Variants in NCOA1 observed in about 807,000 individuals in gnomAD.
NCOA1 encodes nuclear receptor coactivator 1.
Under a neutral mutation model 150.9 loss-of-function variants are expected in NCOA1, and 35 were observed. The ratio of observed to expected loss-of-function variants is 0.23; its 90% CI spans 0.18 to 0.31. The LOEUF (loss-of-function observed/expected upper bound fraction) is 0.31, where lower values mean the gene tolerates loss of function less well. NCOA1 is among the 10% of genes least tolerant of loss of function. NCOA1 has a pLI of 1.00. For missense variants in NCOA1, 1,491 were observed against 1,749.3 expected, an observed-to-expected ratio of 0.85 and a Z score of 2.63; for synonymous variants, 590 against 630.0, an observed-to-expected ratio of 0.94 and a Z score of 0.95.
chr2:24,617,343 C>T (rs1242016107), intron 3 of NCOA1, among the ~76,000 whole-genome samples: 1 of 152,100 alleles, frequency 6.6e-6, no homozygotes, highest in Non-Finnish European at 1.5e-5. Flanking sequence ...ACGTTATGAT[C>T]TCTCCACCTC....
intron 1 of NCOA1, among the ~76,000 whole-genome samples, chr2:24,528,015 T>A (rs1447329616): frequency 6.6e-6 from 1 of 152,212 alleles, no homozygotes; most frequent in East Asian, 1.9e-4. Flanking sequence ...AATTGAGTTA[T>A]ATGTTTTCTT....
intron 1 of NCOA1, among the ~76,000 whole-genome samples, chr2:24,543,174 G>T (rs1665469494): frequency 6.6e-6 from 1 of 152,148 alleles, no homozygotes; most frequent in Admixed American, 6.5e-5. Context: ...CAGGTGCTGG[G>T]TCAAAACACA....
intron 3 of NCOA1, among the ~76,000 whole-genome samples, chr2:24,613,501 TG>T (rs914489660): frequency 3.9e-5 from 6 of 152,032 alleles, no homozygotes; most frequent in Non-Finnish European, 5.9e-5. Context: ...CACCCAGAGG[TG>T]GTCCTAGGCA....
At chr2:24,690,890 G>T (rs1317529557) in intron 8 of NCOA1, among the ~76,000 whole-genome samples, 6 of 151,928 alleles carry the variant, frequency 3.9e-5, no homozygotes, top group Non-Finnish European at 7.4e-5. Context: ...TATATCCAAG[G>T]TATTGTAGCA....
intron 17 of NCOA1, among the ~76,000 whole-genome samples, chr2:24,731,373 TC>T (rs1010710875): frequency 1.3e-5 from 2 of 152,160 alleles, no homozygotes; most frequent in Non-Finnish European, 2.9e-5. Flanking sequence ...AGAACTCCTT[TC>T]CCTCACTGGT....
intron 2 of NCOA1, among the ~76,000 whole-genome samples, chr2:24,574,031 G>A (rs1558804697): frequency 6.6e-6 from 1 of 151,738 alleles, no homozygotes; most frequent in Non-Finnish European, 1.5e-5. Flanking sequence ...AGAAATAGGT[G>A]AATTAAAAAA....
chr2:24,531,216 G>A (rs933107527), intron 1 of NCOA1, among the ~76,000 whole-genome samples: 2 of 152,076 alleles, frequency 1.3e-5, no homozygotes, highest in African/African-American at 4.8e-5. Context: ...ATTACCACAC[G>A]ACCCAGCAAT....
Position 24,752,237 on chromosome 2 carries a change from C to A in NCOA1, c.3881+81C>A, listed in dbSNP as rs1572684200. On this transcript the variant is annotated intron_variant, in intron 20 of 22. Transcript: ENST00000348332. ...ACTGATAAATGCTACAGTGGTTGAA[C>A]CTCAGGAACATTATGTAAAGTGAAA... The A allele has an allele frequency of 6.9e-6, 10 of 1,447,372 alleles. No homozygotes were observed. In the East Asian group the frequency reaches 2.3e-4, roughly 34 times the overall value. 89.7% of individuals were successfully genotyped at this position (1,447,372 alleles called of 1,614,324 possible). A position where few individuals can be genotyped will look rare whatever the true frequency, so the allele number is the denominator to read the frequency against.
intron 2 of NCOA1, among the ~76,000 whole-genome samples, chr2:24,574,379 A>G (rs918852282): frequency 3.9e-5 from 6 of 152,058 alleles, no homozygotes; most frequent in African/African-American, 4.8e-5. Context: ...TATTTTAGAG[A>G]TTATAGAAAA....
At chr2:24,697,880 A>C (rs1400492457) in intron 11 of NCOA1, 82 bp downstream of exon 11, 1 of 1,355,368 alleles carries the variant, frequency 7.4e-7, no homozygotes, top group Admixed American at 2.4e-5. Flanking sequence ...TTATGGCTTG[A>C]TAAGTATTTT....
chr2:24,608,270 T>A (rs1668460651), intron 3 of NCOA1, among the ~76,000 whole-genome samples: 4 of 146,058 alleles, frequency 2.7e-5, no homozygotes, highest in Admixed American at 2.1e-4. Flanking sequence ...ATTATTATTA[T>A]TATTATTATT....
chr2:24,665,732 T>A lies in NCOA1; in HGVS notation c.90-17T>A, dbSNP rs1355559556. 6.7e-7 allele frequency: 1 copy of A among 1,486,402 alleles called. No homozygotes were observed. Among genetic ancestry groups the A allele is most frequent in the Admixed American group, 2.0e-5 (1 of 49,266 alleles). 92.1% of individuals were successfully genotyped at this position (1,486,402 alleles called of 1,614,324 possible). Reference sequence around the variant, plus strand: ...GTGATACAAATGTACACTAACTGGATTTTCTTTGTGTAACAGCACGGAAAA... The same window carrying A: ...GTGATACAAATGTACACTAACTGGAATTTCTTTGTGTAACAGCACGGAAAA... On this transcript the variant is annotated splice_polypyrimidine_tract_variant and intron_variant, in intron 5 of 22. Transcript: ENST00000348332.
intron 1 of NCOA1, among the ~76,000 whole-genome samples, chr2:24,521,149 G>A (rs1364813649): frequency 6.6e-6 from 1 of 152,026 alleles, no homozygotes; most frequent in Admixed American, 6.6e-5. Flanking sequence ...GAATAAAAAT[G>A]TTACATGCTT....
Position 24,707,752 on chromosome 2 carries a change from G to C in NCOA1, c.2282G>C (p.Arg761Thr). The change falls in exon 13 of 23, where the codon AGA (arginine) becomes ACA (threonine). Residue 761 changes from arginine (R) to threonine (T), a missense_variant. Around this residue, in one of 8 missense-constraint regions of NCOA1, gnomAD observed 703 missense variants for 717.7 expected, o/e 0.98. Transcript: ENST00000348332. ...TTAGATAAAGATGAGAAAGATTTAA[G>C]ATCAACTCCAAACCTGAGCCTGGAT... ...YLLDKDEKDL[R>T]STPNLSLDDV... 1 of 1,614,158 alleles carries C rather than the reference G, an allele frequency of 6.2e-7. No homozygotes were observed. Among genetic ancestry groups the C allele is most frequent in the Non-Finnish European group, 8.5e-7 (1 of 1,180,028 alleles).
chr2:24,762,656 T>C (rs772373727), intron 21 of NCOA1, 31 bp from the exon 22 acceptor site: 4 of 1,587,836 alleles, frequency 2.5e-6, no homozygotes, highest in South Asian at 1.1e-5. Flanking sequence ...ACAACTAGCT[T>C]GTAATTTGAT....
chr2:24,716,700 A>G (rs958342428), intron 14 of NCOA1, among the ~76,000 whole-genome samples: 5 of 152,242 alleles, frequency 3.3e-5, no homozygotes, highest in African/African-American at 1.2e-4. Flanking sequence ...GACTTCGTTA[A>G]ATGTTAAATC....
chr2:24,751,995 A>G lies in NCOA1; in HGVS notation c.3720A>G (p.Gln1240=), dbSNP rs757714338. Residue 1240 remains glutamine, a synonymous_variant, in exon 20 of 23, where the codon CAA becomes CAG. Coordinates refer to ENST00000348332, the MANE Select transcript of NCOA1 (RefSeq NM_003743.5). ...GTCAATTTACAGGAATGGTTCCCCAAGGTGAGGCCAACTTTGCTCCATCTC... is the reference window on the plus strand; with the variant it reads ...GTCAATTTACAGGAATGGTTCCCCAGGGTGAGGCCAACTTTGCTCCATCTC... The part of the protein sequence containing the change: ...FQYPGAGMVP[Q]GEANFAPSLS... 4 of 1,612,030 alleles carry G rather than the reference A, an allele frequency of 2.5e-6. No individual in the cohort carries two copies. Among genetic ancestry groups the G allele is most frequent in the South Asian group, 1.1e-5 (1 of 90,682 alleles).
At chr2:24,551,712 A>G (rs1665839554) in intron 1 of NCOA1, among the ~76,000 whole-genome samples, 1 of 150,398 alleles carries the variant, frequency 6.6e-6, no homozygotes, top group African/African-American at 2.5e-5. Flanking sequence ...AAGTTTACCA[A>G]CCCCTGGGCT....
intron 2 of NCOA1, among the ~76,000 whole-genome samples, chr2:24,579,747 CT>C (rs1384464820): frequency 6.6e-6 from 1 of 152,146 alleles, no homozygotes; most frequent in African/African-American, 2.4e-5. Flanking sequence ...TAGAGGCGTC[CT>C]GGTAAACACC....
Sources: allele counts gnomAD v4.1 joint callset (sites outside exome capture counted in the v4.1 genomes callset), GRCh38; gene constraint gnomAD v4.1.1; regional missense constraint gnomAD v4.1.1; transcripts MANE v1.5; gene names NCBI Gene and HGNC (gene_info 2026-07-23, HGNC 2026-07-21).